LPP: variants seen among roughly 807,000 people sequenced by gnomAD.
The protein encoded by LPP is LIM domain containing preferred translocation partner in lipoma.
In LPP, 38 loss-of-function variants were observed where a neutral mutation model predicts 60.4. That is an observed-to-expected ratio of 0.63 (90% CI 0.49 to 0.83). LPP has a LOEUF of 0.83. Ranked by LOEUF, LPP falls within the 40% of genes least tolerant of loss-of-function variation. The probability of loss-of-function intolerance (pLI) is 0.00; values close to 1 mark genes in which losing one functional copy is unlikely to be tolerated. For missense variants in LPP, 902 were observed against 783.6 expected, an observed-to-expected ratio of 1.15 and a Z score of -1.80; for synonymous variants, 328 against 290.8, an observed-to-expected ratio of 1.13 and a Z score of -1.30.
intron 9 of LPP, 105 bp downstream of exon 9, chr3:188,760,387 A>G: frequency 8.4e-7 from 1 of 1,194,806 alleles, no homozygotes; most frequent in Non-Finnish European, 1.2e-6. Context: ...GCTTCTTCCT[A>G]GACTTCAAAA....
intron 6 of LPP, chr3:188,568,378 T>G (rs570956228): frequency 6.6e-6 from 1 of 152,112 alleles, no homozygotes; most frequent in East Asian, 1.9e-4. Flanking sequence ...TACTTACCCT[T>G]CAATCCACTG....
At chr3:188,500,899 T>C (rs928848605) in intron 5 of LPP, among the ~76,000 whole-genome samples, 2 of 152,150 alleles carry the variant, frequency 1.3e-5, no homozygotes, top group African/African-American at 4.8e-5. Flanking sequence ...GCCCCTACTT[T>C]TATTTTTGTC....
intron 8 of LPP, among the ~76,000 whole-genome samples, chr3:188,719,323 C>T (rs955496300): frequency 1.3e-5 from 2 of 152,042 alleles, no homozygotes; most frequent in Middle Eastern, 3.2e-3. Context: ...TCTTTTCTTA[C>T]GTTTACTTGA....
At chr3:188,471,046 G>A (rs1801716252) in intron 4 of LPP, among the ~76,000 whole-genome samples, 1 of 152,124 alleles carries the variant, frequency 6.6e-6, no homozygotes, top group Non-Finnish European at 1.5e-5. Context: ...CAGAACAGAC[G>A]TTTACCAAGC....
chr3:188,240,534 C>T (rs549390689), intron 2 of LPP, among the ~76,000 whole-genome samples: 1 of 152,140 alleles, frequency 6.6e-6, no homozygotes, highest in African/African-American at 2.4e-5. Context: ...GGGAAGGAAA[C>T]TGATGTGCCT....
intron 4 of LPP, among the ~76,000 whole-genome samples, chr3:188,435,552 C>A (rs1028332593): frequency 1.3e-5 from 2 of 151,938 alleles, no homozygotes; most frequent in African/African-American, 2.4e-5. Context: ...TAAATTAATA[C>A]CTGTTTTCTT....
At chr3:188,299,111 C>G (rs560999598) in intron 2 of LPP, among the ~76,000 whole-genome samples, 1 of 152,190 alleles carries the variant, frequency 6.6e-6, no homozygotes, top group Non-Finnish European at 1.5e-5. Flanking sequence ...AGCAGACAGA[C>G]GGGTGAACTT....
chr3:188,176,199 A>G (rs868671499), intron 1 of LPP, among the ~76,000 whole-genome samples: 50 of 152,288 alleles, frequency 3.3e-4, no homozygotes, highest in African/African-American at 8.9e-4. Context: ...CTGATGCTGT[A>G]AATCAGGCGG....
intron 9 of LPP, among the ~76,000 whole-genome samples, chr3:188,823,037 T>C (rs3846188): frequency 0.62 from 93,529 of 151,898 alleles, 29,133 homozygotes; most frequent in East Asian, 0.84. Context: ...GGACATTTTA[T>C]AATTCAATTA....
At chr3:188,795,633 A>G (rs1467095223) in intron 9 of LPP, among the ~76,000 whole-genome samples, 1 of 152,068 alleles carries the variant, frequency 6.6e-6, no homozygotes, top group African/African-American at 2.4e-5. Flanking sequence ...CACACTGTAT[A>G]CCCCCAAAAG....
chr3:188,353,548 T>A (rs956406690), intron 3 of LPP, among the ~76,000 whole-genome samples: 1 of 152,236 alleles, frequency 6.6e-6, no homozygotes, highest in Non-Finnish European at 1.5e-5. Context: ...GATGGAGATT[T>A]GATTTGCATT....
At chr3:188,393,655 A>G (rs902924624) in intron 3 of LPP, among the ~76,000 whole-genome samples, 1 of 152,352 alleles carries the variant, frequency 6.6e-6, no homozygotes. Context: ...AGAGCCTTCA[A>G]GAACAGTGTT....
chr3:188,397,119 CTTTT>C (rs1781133752), intron 3 of LPP, among the ~76,000 whole-genome samples: 1 of 152,122 alleles, frequency 6.6e-6, no homozygotes, highest in Non-Finnish European at 1.5e-5. Flanking sequence ...ATTCCATTGC[CTTTT>C]ACCTACCCCA....
chr3:188,546,628 A>G (rs1826731120), intron 6 of LPP, among the ~76,000 whole-genome samples: 1 of 152,132 alleles, frequency 6.6e-6, no homozygotes, highest in Non-Finnish European at 1.5e-5. Flanking sequence ...AAGTAACGAT[A>G]TTTTTAAAAA....
chr3:188,703,106 G>A (rs768649159), intron 7 of LPP, among the ~76,000 whole-genome samples: 2 of 152,176 alleles, frequency 1.3e-5, no homozygotes, highest in Non-Finnish European at 2.9e-5. Context: ...GTGAAAGTAG[G>A]CATCTTGAAA....
In LPP at chr3:188,610,212, C is replaced by G. The variant is rs1469154172; in HGVS notation, c.1113+368C>G. On this transcript the variant is annotated intron_variant, in intron 7 of 11. Coordinates refer to ENST00000617246, the MANE Select transcript of LPP (RefSeq NM_001375462.1). This position sits in a 1 kb window ranked among gnomAD's most constrained non-coding sequence, Gnocchi z 4.4. ...CTGTTGTGCAGAAACTTCCTCTACA[C>G]CTTGCATTTGCTTGGACATTAAACA... Among the ~76,000 whole-genome samples the G allele has an allele frequency of 6.6e-6, 1 of 152,234 alleles. No individual in the cohort carries two copies. The highest frequency in any genetic ancestry group is 1.5e-5 in the Non-Finnish European group (1 of 68,036).
intron 6 of LPP, among the ~76,000 whole-genome samples, chr3:188,533,916 G>T (rs1349470567): frequency 6.6e-6 from 1 of 152,134 alleles, no homozygotes; most frequent in African/African-American, 2.4e-5. Flanking sequence ...TTTTTTAGAA[G>T]ATGATGTGTT....
intron 9 of LPP, among the ~76,000 whole-genome samples, chr3:188,762,532 A>G (rs899361689): frequency 6.6e-6 from 1 of 152,174 alleles, no homozygotes; most frequent in Non-Finnish European, 1.5e-5. Context: ...TGAGTGCGTA[A>G]CAAAACTGGA....
intron 2 of LPP, among the ~76,000 whole-genome samples, chr3:188,262,296 T>G (rs529596309): frequency 9.2e-5 from 14 of 152,178 alleles, no homozygotes; most frequent in African/African-American, 3.1e-4. Context: ...AGTCTTAAAA[T>G]TCTTAATAAT....
Sources: allele counts gnomAD v4.1 joint callset (sites outside exome capture counted in the v4.1 genomes callset), GRCh38; gene constraint gnomAD v4.1.1; non-coding constraint Gnocchi (gnomAD v3.1); transcripts MANE v1.5; gene names NCBI Gene and HGNC (gene_info 2026-07-23, HGNC 2026-07-21).